Variants in CCDC178 observed in about 807,000 individuals in gnomAD.
The protein encoded by CCDC178 is coiled-coil domain containing 178, also known as coiled-coil domain-containing protein 178.
In CCDC178, 126 loss-of-function variants were observed where a neutral mutation model predicts 117.4. That is an observed-to-expected ratio of 1.07 (90% CI 0.93 to 1.24). CCDC178 has a LOEUF of 1.24. Ranked by LOEUF, CCDC178 falls within the 50% of genes most tolerant of loss-of-function variation. The probability of loss-of-function intolerance (pLI) is 0.00; values close to 1 mark genes in which losing one functional copy is unlikely to be tolerated. For synonymous variants in CCDC178, 283 were observed against 313.4 expected (o/e 0.90, Z 1.02); for missense variants, 1,030 against 986.9 (o/e 1.04, Z -0.59).
chr18:33,314,200 CAAAAAAAAAAAAAAAA>C lies in CCDC178; in HGVS notation c.1022+9275_1022+9290del, dbSNP rs869127341. ...TGGGTGACAGAGCGAGACTCCGTCTCAAAAAAAAAAAAAAAAAAAAAAAAAAAAAAAAAGAAATTGT... is the reference window on the plus strand; with the variant it reads ...TGGGTGACAGAGCGAGACTCCGTCTCAAAAAAAAAAAAAAAAAGAAATTGT... On this transcript the variant is annotated intron_variant, in intron 11 of 22. Transcript: ENST00000383096. Among the ~76,000 whole-genome samples, 8 of 62,442 alleles carry C rather than the reference CAAAAAAAAAAAAAAAA, an allele frequency of 1.3e-4. 1 individual carries two copies. The highest frequency in any genetic ancestry group is 2.0e-4 in the Admixed American group (1 of 4,962). The allele number at this position is 62,442 out of a possible 152,430, so 41.0% of individuals were successfully genotyped here.
intron 21 of CCDC178, among the ~76,000 whole-genome samples, chr18:32,989,371 C>T (rs2055340712): frequency 6.6e-6 from 1 of 152,122 alleles, no homozygotes; most frequent in African/African-American, 2.4e-5. Flanking sequence ...ATATGATCAT[C>T]TTATTGGATG....
At chr18:33,392,294 A>T (rs996934843) in intron 4 of CCDC178, among the ~76,000 whole-genome samples, 1 of 152,226 alleles carries the variant, frequency 6.6e-6, no homozygotes, top group South Asian at 2.1e-4. Flanking sequence ...AGCTTCTGGC[A>T]TTGTAACCAC....
chr18:33,387,904 T>C (rs773911789), intron 5 of CCDC178, among the ~76,000 whole-genome samples: 1 of 152,036 alleles, frequency 6.6e-6, no homozygotes, highest in Non-Finnish European at 1.5e-5. Context: ...CAAAAGAAAG[T>C]ATCATCAGAG....
At position 33,103,412 on chromosome 18, in the gene CCDC178, C is replaced by T. The variant is rs150766867; in HGVS notation, c.2239-10502G>A. ...GGGGACACAGAGCCAAACCATATCA[C>T]GTGCTTAATGAAGTTCCAATTTAAA... On this transcript the variant is annotated intron_variant, in intron 20 of 22. Coordinates refer to ENST00000383096, the MANE Select transcript of CCDC178 (RefSeq NM_001105528.4). Among the ~76,000 whole-genome samples, 18 of 151,626 alleles carry T rather than the reference C, an allele frequency of 1.2e-4. No homozygotes were observed. In the East Asian group the frequency reaches 2.0e-3, roughly 17 times the overall value.
At chr18:33,213,880 T>C (rs1310789258) in intron 19 of CCDC178, among the ~76,000 whole-genome samples, 1 of 152,090 alleles carries the variant, frequency 6.6e-6, no homozygotes, top group Admixed American at 6.6e-5. Context: ...TCTGCAAAGA[T>C]CTTCAGACAC....
At chr18:33,296,375 T>C (rs2062105996) in intron 11 of CCDC178, among the ~76,000 whole-genome samples, 1 of 151,524 alleles carries the variant, frequency 6.6e-6, no homozygotes, top group Non-Finnish European at 1.5e-5. Flanking sequence ...CGAGATAAAA[T>C]GGCATATAAT....
At chr18:33,171,692 T>C (rs2058601538) in intron 20 of CCDC178, among the ~76,000 whole-genome samples, 1 of 152,172 alleles carries the variant, frequency 6.6e-6, no homozygotes, top group African/African-American at 2.4e-5. Context: ...GTTGACATGC[T>C]GTTGGAGCAA....
intron 3 of CCDC178, among the ~76,000 whole-genome samples, chr18:33,406,062 C>T (rs1004430288): frequency 6.6e-6 from 1 of 151,980 alleles, no homozygotes; most frequent in African/African-American, 2.4e-5. Context: ...AGATCCAATA[C>T]ACATTATCTA....
rs1212071485 is a variant in CCDC178, at chr18:33,085,292, G to A, written c.2388+7469C>T. On this transcript the variant is annotated intron_variant, in intron 21 of 22. Transcript: ENST00000383096. ...AAAACGTATTTTTGGGGCCGGGTAC[G>A]GTGGCTCACGCCTGTAATCCCGGCA... is the stretch of plus-strand genomic sequence containing the variant. Among the ~76,000 whole-genome samples, 7 of 152,182 alleles carry A rather than the reference G, an allele frequency of 4.6e-5. No homozygotes were observed. In the South Asian group the frequency reaches 8.3e-4, roughly 18 times the overall value.
At chr18:33,250,003 C>T (rs1176005061) in intron 14 of CCDC178, among the ~76,000 whole-genome samples, 1 of 151,866 alleles carries the variant, frequency 6.6e-6, no homozygotes, top group Non-Finnish European at 1.5e-5. Context: ...AAGTTGGATT[C>T]CTAGGTATTT....
chr18:33,126,337 G>T (rs1162641107), intron 20 of CCDC178, among the ~76,000 whole-genome samples: 4 of 148,782 alleles, frequency 2.7e-5, no homozygotes, highest in Non-Finnish European at 5.9e-5. Flanking sequence ...GTGTATATGT[G>T]TATATATTAA....
intron 21 of CCDC178, among the ~76,000 whole-genome samples, chr18:33,059,606 G>A (rs956745722): frequency 2.0e-5 from 3 of 152,032 alleles, no homozygotes; most frequent in Admixed American, 6.5e-5. Flanking sequence ...TCCAAATCAC[G>A]AAGTCCTTTG....
At chr18:33,244,292 G>A (rs966406242) in intron 15 of CCDC178, among the ~76,000 whole-genome samples, 1 of 151,930 alleles carries the variant, frequency 6.6e-6, no homozygotes, top group African/African-American at 2.4e-5. Flanking sequence ...AGACACGTAT[G>A]TGTGTAAGAT....
chr18:33,275,001 T>C (rs755424501), intron 12 of CCDC178, among the ~76,000 whole-genome samples: 5 of 152,040 alleles, frequency 3.3e-5, no homozygotes, highest in African/African-American at 1.2e-4. Flanking sequence ...TAAATGATAA[T>C]AAATGTACAA....
intron 15 of CCDC178, among the ~76,000 whole-genome samples, chr18:33,234,470 A>C (rs1161623507): frequency 6.6e-6 from 1 of 152,152 alleles, no homozygotes; most frequent in Non-Finnish European, 1.5e-5. Context: ...GAACAGAGAG[A>C]GATAAGGAAG....
At chr18:33,029,230 G>A (rs2144853573) in intron 21 of CCDC178, among the ~76,000 whole-genome samples, 1 of 151,798 alleles carries the variant, frequency 6.6e-6, no homozygotes, top group Non-Finnish European at 1.5e-5. Context: ...ATTTTCTTTG[G>A]TGAGTTTTGA....
At chr18:33,023,649 T>C (rs929456487) in intron 21 of CCDC178, among the ~76,000 whole-genome samples, 1 of 152,022 alleles carries the variant, frequency 6.6e-6, no homozygotes, top group African/African-American at 2.4e-5. Context: ...CAATCTTAGC[T>C]TCCCAAACAT....
chr18:33,168,031 T>C (rs745388521), intron 20 of CCDC178, among the ~76,000 whole-genome samples: 54 of 152,168 alleles, frequency 3.5e-4, no homozygotes, highest in Non-Finnish European at 7.1e-4. Context: ...TCCAATCCTA[T>C]AGGTTGTCTG....
intron 20 of CCDC178, among the ~76,000 whole-genome samples, chr18:33,109,627 A>C (rs1218711457): frequency 2.6e-5 from 4 of 151,476 alleles, no homozygotes; most frequent in African/African-American, 9.7e-5. Flanking sequence ...CAGAAACCTC[A>C]CTCATCTCCA....
Sources: gnomAD v4.1 joint callset for allele counts (sites outside exome capture counted in the v4.1 genomes callset) on GRCh38, gnomAD v4.1.1 for gene constraint, MANE v1.5 for transcripts, NCBI Gene and HGNC (gene_info 2026-07-23, HGNC 2026-07-21) for gene names.